SBF2: variants seen among roughly 807,000 people sequenced by gnomAD.
SBF2 encodes SET binding factor 2.
Under a neutral mutation model 225.2 loss-of-function variants are expected in SBF2, and 112 were observed. That is an observed-to-expected ratio of 0.50 (90% confidence interval 0.43 to 0.58). The LOEUF (loss-of-function observed/expected upper bound fraction) is 0.58, where lower values mean the gene tolerates loss of function less well. Ranked by LOEUF, SBF2 falls within the 20% of genes least tolerant of loss-of-function variation. SBF2 has a pLI of 0.00. For missense variants in SBF2, 1,996 were observed against 2,206.2 expected (o/e 0.90, Z 1.91); for synonymous variants, 763 against 773.3 (o/e 0.99, Z 0.22).
chr11:10,021,465 C>A (rs907474161), intron 6 of SBF2, among the ~76,000 whole-genome samples: 27 of 151,510 alleles, frequency 1.8e-4, no homozygotes, highest in African/African-American at 5.1e-4. Context: ...ACAAAAAAAC[C>A]AAAAACCAAA....
intron 2 of SBF2, among the ~76,000 whole-genome samples, chr11:10,131,289 G>A (rs1954040410): frequency 6.6e-6 from 1 of 151,204 alleles, no homozygotes; most frequent in Non-Finnish European, 1.5e-5. Flanking sequence ...ACAGTGGCAC[G>A]ATCACGGCTC....
chr11:10,297,972 A>G (rs569391542), upstream of SBF2, among the ~76,000 whole-genome samples: 1 of 152,390 alleles, frequency 6.6e-6, no homozygotes, highest in East Asian at 1.9e-4. Context: ...ACCTTTCACC[A>G]AAGAGAGAGA....
rs777826645 is a variant in SBF2, at chr11:9,850,042, T to A, written c.2787A>T (p.Gly929=). ...FLTTYRILFR[G]TPHDQLVGEQ... ...TCATACCTAACTGATCATGGGGTGTTCCTCTGAAGAGAATTCTGTATGTGG... is the reference window on the plus strand; with the variant it reads ...TCATACCTAACTGATCATGGGGTGTACCTCTGAAGAGAATTCTGTATGTGG... The change falls in exon 22 of 40, where the codon GGA becomes GGT. Residue 929 remains glycine, a synonymous_variant. Transcript: ENST00000256190. 1.9e-5 allele frequency: 31 copies of A among 1,613,952 alleles called. No homozygotes were observed. The Admixed American group carries it at 4.8e-4, about 25-fold the overall frequency.
At chr11:9,918,900 G>C (rs545338597) in intron 16 of SBF2, among the ~76,000 whole-genome samples, 2 of 151,838 alleles carry the variant, frequency 1.3e-5, no homozygotes, top group African/African-American at 2.4e-5. Flanking sequence ...CACCACGCCC[G>C]GCTAATTTTT....
At chr11:10,302,102 A>G (rs1964604581) in intron 1 of SBF2, among the ~76,000 whole-genome samples, 1 of 152,182 alleles carries the variant, frequency 6.6e-6, no homozygotes, top group Non-Finnish European at 1.5e-5. Flanking sequence ...TGCCACTTGA[A>G]TGGATGCAAC....
intron 6 of SBF2, among the ~76,000 whole-genome samples, chr11:10,022,023 A>G (rs536865923): frequency 6.6e-6 from 1 of 152,336 alleles, no homozygotes; most frequent in Admixed American, 6.5e-5. Flanking sequence ...ATAAAATAAT[A>G]AAATTTGATC....
chr11:10,299,134 C>G (rs530022754), upstream of SBF2, among the ~76,000 whole-genome samples: 1 of 151,896 alleles, frequency 6.6e-6, no homozygotes, highest in African/African-American at 2.4e-5. Context: ...GTCAGCAGAT[C>G]GAGATCATCC....
At chr11:9,897,060 T>A (rs1292744102) in intron 16 of SBF2, among the ~76,000 whole-genome samples, 1 of 152,196 alleles carries the variant, frequency 6.6e-6, no homozygotes, top group East Asian at 1.9e-4. Context: ...CAGGTTTTTG[T>A]ATACTCATGT....
At chr11:10,292,678 C>CAAAA (rs5789633) in intron 1 of SBF2, among the ~76,000 whole-genome samples, 4 of 85,824 alleles carry the variant, frequency 4.7e-5, no homozygotes, top group East Asian at 3.6e-4. Context: ...AACTCCGTCT[C>CAAAA]AAAAAAAAAA....
chr11:9,907,297 C>T (rs556805411), intron 16 of SBF2, among the ~76,000 whole-genome samples: 2 of 152,274 alleles, frequency 1.3e-5, no homozygotes, highest in East Asian at 3.9e-4. Context: ...ACCATATGGG[C>T]CCCTGCCACA....
At chr11:9,958,731 T>C in intron 16 of SBF2, 2 of 404,530 alleles carry the variant, frequency 4.9e-6, no homozygotes, top group Admixed American at 3.0e-5. Context: ...GCTGGAGGTC[T>C]AGTTCACTTA....
At chr11:9,847,283 T>C (rs1461312360) in intron 22 of SBF2, among the ~76,000 whole-genome samples, 200 bp from the exon 23 acceptor site, 1 of 152,050 alleles carries the variant, frequency 6.6e-6, no homozygotes, top group Admixed American at 6.6e-5. Flanking sequence ...TTCACACAAC[T>C]AGCACAGGAA....
At chr11:10,040,389 G>A (rs1949607989) in intron 3 of SBF2, among the ~76,000 whole-genome samples, 1 of 151,774 alleles carries the variant, frequency 6.6e-6, no homozygotes, top group Non-Finnish European at 1.5e-5. Context: ...GAGAGATACT[G>A]GAAAACAGAA....
Position 9,829,443 on chromosome 11 carries a change from G to C in SBF2, c.3706C>G (p.Gln1236Glu), listed in dbSNP as rs1808624700. The change falls in exon 28 of 40, where the codon CAA becomes GAA. Residue 1236 changes from glutamine to glutamate, a missense_variant. Gln to Glu is a conservative substitution (Grantham distance 29). Coordinates refer to ENST00000256190, the MANE Select transcript of SBF2 (RefSeq NM_030962.4). ...SSSIEQEKYL[Q>E]ALLNAVSVHQ... is the part of the protein sequence containing the mutation. ...ACAGAAACAGCATTCAGTAAGGCTT[G>C]CAAGTATTTCTCTTGTTCTATGCTA... is the stretch of plus-strand genomic sequence containing the variant. 6.2e-7 allele frequency: 1 copy of C among 1,613,430 alleles called. No homozygotes were observed. The highest frequency in any genetic ancestry group is 1.1e-5 in the South Asian group (1 of 91,072).
intron 16 of SBF2, among the ~76,000 whole-genome samples, chr11:9,924,646 G>A (rs1003308649): frequency 2.6e-5 from 4 of 152,100 alleles, no homozygotes; most frequent in African/African-American, 9.7e-5. Context: ...TGGCCAAGCT[G>A]GTCTCAAACT....
chr11:10,132,005 T>C (rs550262164), intron 2 of SBF2, among the ~76,000 whole-genome samples: 11 of 152,346 alleles, frequency 7.2e-5, no homozygotes, highest in Admixed American at 3.9e-4. Context: ...CAGTCTATTA[T>C]CCATTTTGAG....
rs536798302 is a variant in SBF2, at chr11:10,265,098, G to C, written c.55+28917C>G. 6.6e-5 allele frequency among the ~76,000 whole-genome samples: 10 copies of C among 152,246 alleles called. No individual in the cohort carries two copies. The South Asian group carries it at 2.1e-3, about 32-fold the overall frequency. On this transcript the variant is annotated intron_variant, in intron 1 of 39. Coordinates refer to ENST00000256190, the MANE Select transcript of SBF2 (RefSeq NM_030962.4). ...TTATAATCCTTTGGGTACATACTCAGTAACAGGATTGCTAGGTCAAATGGT... is the reference window on the plus strand; with the variant it reads ...TTATAATCCTTTGGGTACATACTCACTAACAGGATTGCTAGGTCAAATGGT...
intron 30 of SBF2, among the ~76,000 whole-genome samples, chr11:9,809,734 C>G (rs892704973): frequency 6.6e-6 from 1 of 151,640 alleles, no homozygotes; most frequent in Admixed American, 6.6e-5. Context: ...TTAGTAGAGA[C>G]GAGGTTTCAC....
chr11:10,180,109 T>G (rs1175729606), intron 2 of SBF2, among the ~76,000 whole-genome samples: 7 of 152,194 alleles, frequency 4.6e-5, no homozygotes, highest in Non-Finnish European at 7.4e-5. Context: ...TGGTTCATCT[T>G]TTAGTCTTTC....
Sources: gnomAD v4.1 joint callset for allele counts (sites outside exome capture counted in the v4.1 genomes callset) on GRCh38, gnomAD v4.1.1 for gene constraint, MANE v1.5 for transcripts, NCBI Gene and HGNC (gene_info 2026-07-23, HGNC 2026-07-21) for gene names.